Variants in ZNF678 observed in about 807,000 individuals in gnomAD.
The protein encoded by ZNF678 is hypothetical protein MGC42493.
ZNF678 carries 5 observed loss-of-function variants against 3.0 expected under a neutral mutation model. The ratio of observed to expected loss-of-function variants is 1.69; its 90% CI spans 0.88 to 3.56. ZNF678 has a LOEUF of 3.56. Among genes scored for constraint, ZNF678 ranks in the 30% most tolerant of loss-of-function variants. The probability of loss-of-function intolerance (pLI) is 0.00; values close to 1 mark genes in which losing one functional copy is unlikely to be tolerated. For missense variants in ZNF678, 593 were observed against 605.0 expected, an observed-to-expected ratio of 0.98 and a Z score of 0.21; for synonymous variants, 218 against 199.6, an observed-to-expected ratio of 1.09 and a Z score of -0.78.
At chr1:227,666,968 C>T (rs924143750), downstream of ZNF678, among the ~76,000 whole-genome samples, 3 of 151,622 alleles carry the variant, frequency 2.0e-5, no homozygotes, top group African/African-American at 7.3e-5. Context: ...TGGTCTTGAA[C>T]TCCAGACCTC....
downstream of ZNF678, among the ~76,000 whole-genome samples, chr1:227,665,009 C>A (rs1659478781): frequency 6.6e-6 from 1 of 152,172 alleles, no homozygotes; most frequent in Non-Finnish European, 1.5e-5. Flanking sequence ...CCCTAGAAGT[C>A]ATTGTGTATT....
chr1:227,612,103 T>C (rs1471734971), intron 1 of ZNF678, among the ~76,000 whole-genome samples: 1 of 152,072 alleles, frequency 6.6e-6, no homozygotes, highest in African/African-American at 2.4e-5. Context: ...GCAGCAGGGG[T>C]GTACCTACTT....
At chr1:227,588,144 C>T (rs2102734845) in intron 1 of ZNF678, among the ~76,000 whole-genome samples, 1 of 152,228 alleles carries the variant, frequency 6.6e-6, no homozygotes, top group East Asian at 1.9e-4. Context: ...CATCCGTGTC[C>T]CTGCAAAGGA....
intron 1 of ZNF678, among the ~76,000 whole-genome samples, chr1:227,566,809 TTTA>T (rs200241823): frequency 0.017 from 2,537 of 152,316 alleles, 58 homozygotes; most frequent in South Asian, 0.057. Flanking sequence ...AAAAAACTCA[TTTA>T]CCTTTTTCTT....
rs543046435 is a variant in ZNF678 at position 227,575,034 on chromosome 1, G to A, written c.-164+11310G>A. Among the ~76,000 whole-genome samples the A allele has an allele frequency of 1.5e-4, 23 of 152,064 alleles. 1 individual carries two copies. The highest frequency in any genetic ancestry group is 8.3e-4 in the South Asian group (4 of 4,826). On this transcript the variant is annotated intron_variant, in intron 1 of 3. Transcript: ENST00000343776. ...ATTGCTTATTTTTATCAGGTTTGTC[G>A]AAGATCAAATAGTTGTATAGTTGTA...
intron 1 of ZNF678, among the ~76,000 whole-genome samples, chr1:227,576,939 T>C (rs1451253532): frequency 6.6e-6 from 1 of 152,244 alleles, no homozygotes; most frequent in East Asian, 1.9e-4. Context: ...TGTATCTTTA[T>C]TCTCATTAGT....
rs1659405515 is a variant in ZNF678 at position 227,661,491 on chromosome 1, G to GA, written c.*5670dup. 1.3e-5 allele frequency: 2 copies of GA among 151,982 alleles called. No individual in the cohort carries two copies. Among genetic ancestry groups the GA allele is most frequent in the Admixed American group, 6.6e-5 (1 of 15,236 alleles). The allele number at this position is 151,982 out of a possible 1,614,324, so 9.4% of individuals were successfully genotyped here. A position where few individuals can be genotyped will look rare whatever the true frequency, so the allele number is the denominator to read the frequency against. ...TTACAGAGAGTTTCAGTAAAATTCA[G>GA]AAAAAAATAATAAATATGAACAGCC... is the stretch of plus-strand genomic sequence containing the variant. On this transcript the variant is annotated 3_prime_UTR_variant, in exon 4 of 4. Transcript: ENST00000343776.
At chr1:227,672,617 C>G (rs544141481) in intron 5 of ZNF678, among the ~76,000 whole-genome samples, 2 of 152,064 alleles carry the variant, frequency 1.3e-5, no homozygotes, top group Non-Finnish European at 2.9e-5. Context: ...CTAGGAAAAG[C>G]CTACTTTGGT....
intron 1 of ZNF678, among the ~76,000 whole-genome samples, chr1:227,625,723 T>A (rs1331024537): frequency 6.6e-6 from 1 of 152,016 alleles, no homozygotes; most frequent in African/African-American, 2.4e-5. Flanking sequence ...AGAGGTCTAG[T>A]CCTTTGTAGG....
At chr1:227,569,937 A>T (rs1329805253) in intron 1 of ZNF678, among the ~76,000 whole-genome samples, 2 of 152,178 alleles carry the variant, frequency 1.3e-5, no homozygotes, top group Non-Finnish European at 2.9e-5. Context: ...AAAGATCTTC[A>T]TCTTTTGGGT....
chr1:227,571,600 C>T (rs982784705), intron 1 of ZNF678, among the ~76,000 whole-genome samples: 1 of 152,206 alleles, frequency 6.6e-6, no homozygotes, highest in Admixed American at 6.5e-5. Context: ...ACTAAGCAAA[C>T]TAATGTTACA....
intron 1 of ZNF678, among the ~76,000 whole-genome samples, chr1:227,629,966 C>T (rs1264888115): frequency 2.0e-5 from 3 of 150,946 alleles, no homozygotes; most frequent in Non-Finnish European, 4.4e-5. Context: ...TAATCCCATT[C>T]GTCCCATTCC....
chr1:227,592,950 A>G (rs1319548732), intron 1 of ZNF678, among the ~76,000 whole-genome samples: 1 of 152,238 alleles, frequency 6.6e-6, no homozygotes, highest in Non-Finnish European at 1.5e-5. Context: ...GCTCTTGAAA[A>G]TTCTTAAGCT....
intron 3 of ZNF678, among the ~76,000 whole-genome samples, chr1:227,651,405 A>G (rs552894360): frequency 6.6e-6 from 1 of 152,294 alleles, no homozygotes; most frequent in Non-Finnish European, 1.5e-5. Flanking sequence ...TGTAGCTTAA[A>G]GGTCTAGAAC....
rs1238127144 is a variant in ZNF678, at chr1:227,656,407, A to G, written c.*579A>G. ...ATTCATGTTATACTTTTTTGCATTA[A>G]AAGTTTTTATATTTTTGATTATATA... On this transcript the variant is annotated 3_prime_UTR_variant, in exon 4 of 4. Coordinates refer to ENST00000343776, the MANE Select transcript of ZNF678 (RefSeq NM_001367909.1). 1 of 151,804 alleles carries G rather than the reference A, an allele frequency of 6.6e-6. No individual in the cohort carries two copies. The highest frequency in any genetic ancestry group is 2.4e-5 in the African/African-American group (1 of 41,414). 9.4% of individuals were successfully genotyped at this position (151,804 alleles called of 1,614,324 possible).
intron 1 of ZNF678, among the ~76,000 whole-genome samples, chr1:227,611,476 T>C (rs1025469058): frequency 2.0e-5 from 3 of 152,214 alleles, no homozygotes; most frequent in Non-Finnish European, 4.4e-5. Context: ...TTGTGTCTTA[T>C]TGAGATAACA....
At chr1:227,608,652 A>G (rs577581389) in intron 1 of ZNF678, among the ~76,000 whole-genome samples, 1 of 152,304 alleles carries the variant, frequency 6.6e-6, no homozygotes, top group East Asian at 1.9e-4. Context: ...GAAATATTTT[A>G]CTTATGTATT....
chr1:227,576,078 A>G (rs1038954772), intron 1 of ZNF678, among the ~76,000 whole-genome samples: 2 of 152,194 alleles, frequency 1.3e-5, no homozygotes, highest in African/African-American at 4.8e-5. Context: ...CTAAACTTGC[A>G]TCCCGGGGAT....
chr1:227,579,371 A>G (rs1657065255), intron 1 of ZNF678, among the ~76,000 whole-genome samples: 1 of 152,040 alleles, frequency 6.6e-6, no homozygotes, highest in Non-Finnish European at 1.5e-5. Context: ...AGTGTTGCTC[A>G]GGGGAAGACC....
Sources: gnomAD v4.1 joint callset for allele counts (sites outside exome capture counted in the v4.1 genomes callset) on GRCh38, gnomAD v4.1.1 for gene constraint, MANE v1.5 for transcripts, NCBI Gene and HGNC (gene_info 2026-07-23, HGNC 2026-07-21) for gene names.